The following TNIK variants were observed in gnomAD, a reference collection of about 807,000 sequenced individuals.
TNIK encodes the protein TRAF2 and NCK interacting kinase, also known as TRAF2 and NCK-interacting protein kinase.
Under a neutral mutation model 191.3 loss-of-function variants are expected in TNIK, and 49 were observed. The observed-to-expected ratio is 0.26, with a 90% CI of 0.20 to 0.32. The LOEUF (loss-of-function observed/expected upper bound fraction) is 0.32. Ranked by LOEUF, TNIK falls within the 10% of genes least tolerant of loss-of-function variation. The pLI, the probability that TNIK is intolerant of heterozygous loss-of-function variation, is 1.00. For missense variants in TNIK, 1,155 were observed against 1,702.3 expected, an observed-to-expected ratio of 0.68 and a Z score of 5.66; for synonymous variants, 594 against 600.9, an observed-to-expected ratio of 0.99 and a Z score of 0.17.
chr3:171,272,735 T>C (rs965533209), intron 2 of TNIK, among the ~76,000 whole-genome samples: 2 of 152,232 alleles, frequency 1.3e-5, no homozygotes, highest in African/African-American at 4.8e-5. Context: ...TTATCGTTTT[T>C]CTCATTTCAC....
At chr3:171,368,715 A>G (rs1475704229) in intron 2 of TNIK, among the ~76,000 whole-genome samples, 1 of 152,198 alleles carries the variant, frequency 6.6e-6, no homozygotes. Context: ...AATAAATTTA[A>G]TTAACTGAGA....
At chr3:171,369,449 T>A (rs1716187448) in intron 2 of TNIK, among the ~76,000 whole-genome samples, 171 bp downstream of exon 2, 1 of 152,164 alleles carries the variant, frequency 6.6e-6, no homozygotes, top group Non-Finnish European at 1.5e-5. Flanking sequence ...GAATCCAGTT[T>A]AAGCAACATA....
chr3:171,426,409 G>A (rs1343604714), intron 1 of TNIK, among the ~76,000 whole-genome samples: 1 of 110,896 alleles, frequency 9.0e-6, no homozygotes, highest in African/African-American at 3.5e-5. Flanking sequence ...CTGTTGTGGG[G>A]TGGGGGGAGG....
chr3:171,070,583 G>A (rs1057310099), intron 29 of TNIK, among the ~76,000 whole-genome samples: 1 of 152,112 alleles, frequency 6.6e-6, no homozygotes, highest in Non-Finnish European at 1.5e-5. Context: ...CCTGGTATTC[G>A]GGTGTCAGCT....
intron 21 of TNIK, among the ~76,000 whole-genome samples, chr3:171,104,035 G>T (rs542697830): frequency 5.9e-5 from 9 of 152,062 alleles, no homozygotes; most frequent in African/African-American, 1.9e-4. Flanking sequence ...TTACTAAAAA[G>T]CTCTCTGCCC....
At chr3:171,194,500 G>A (rs1378732920) in intron 5 of TNIK, 25 bp downstream of exon 5, 1 of 1,596,288 alleles carries the variant, frequency 6.3e-7, no homozygotes. Context: ...TTTGGGAGGT[G>A]GGCCAGTCCC....
intron 2 of TNIK, among the ~76,000 whole-genome samples, chr3:171,319,742 T>C (rs909810993): frequency 6.6e-6 from 1 of 152,150 alleles, no homozygotes; most frequent in Non-Finnish European, 1.5e-5. Context: ...GAGACCTTTT[T>C]AAGGTACCAG....
intron 2 of TNIK, among the ~76,000 whole-genome samples, chr3:171,344,401 T>C (rs539461198): frequency 6.6e-6 from 1 of 152,248 alleles, no homozygotes; most frequent in Admixed American, 6.5e-5. Flanking sequence ...TCTGAGGTGA[T>C]AGTAGGGGTG....
intron 28 of TNIK, among the ~76,000 whole-genome samples, chr3:171,078,408 T>A (rs1292268410): frequency 6.6e-6 from 1 of 152,164 alleles, no homozygotes; most frequent in Non-Finnish European, 1.5e-5. Flanking sequence ...ATTACATTTT[T>A]TATTTCTGCC....
intron 2 of TNIK, among the ~76,000 whole-genome samples, chr3:171,233,582 C>T (rs1426502897): frequency 1.3e-5 from 2 of 152,134 alleles, no homozygotes; most frequent in African/African-American, 2.4e-5. Flanking sequence ...AAAGAGCCAC[C>T]TCACCCAAGG....
At chr3:171,298,765 T>G (rs13078928) in intron 2 of TNIK, among the ~76,000 whole-genome samples, 68,784 of 152,092 alleles carry the variant, frequency 0.45, 16,255 homozygotes, top group Non-Finnish European at 0.51. Context: ...CACCAGAAAT[T>G]GGATTATCTG....
chr3:171,085,332 A>G, intron 24 of TNIK, 103 bp from the exon 25 acceptor site: 2 of 1,104,320 alleles, frequency 1.8e-6, no homozygotes, highest in Non-Finnish European at 2.5e-6. Flanking sequence ...AGATTCTTCA[A>G]GGTATTCAGG....
rs1354816887 is a variant in TNIK, at chr3:171,061,441, T to A, written c.*2440A>T. 6.6e-6 allele frequency: 1 copy of A among 152,248 alleles called. No homozygotes were observed. The highest frequency in any genetic ancestry group is 1.5e-5 in the Non-Finnish European group (1 of 68,038). The allele number at this position is 152,248 out of a possible 1,614,324, so 9.4% of individuals were successfully genotyped here. A position where few individuals can be genotyped will look rare whatever the true frequency, so the allele number is the denominator to read the frequency against. On this transcript the variant is annotated 3_prime_UTR_variant, in exon 33 of 33. Coordinates refer to ENST00000436636, the MANE Select transcript of TNIK (RefSeq NM_015028.4). ...AAACAAGACTGCATTAATATTGTTT[T>A]CTTATGATTTGTTTCAATGACTCTA... is the stretch of plus-strand genomic sequence containing the variant.
chr3:171,298,062 G>A (rs943989356), intron 2 of TNIK, among the ~76,000 whole-genome samples: 1 of 152,196 alleles, frequency 6.6e-6, no homozygotes, highest in East Asian at 1.9e-4. Context: ...TGCCTCTGAT[G>A]ATTTAGGATG....
chr3:171,444,970 CT>C (rs1347230680), intron 1 of TNIK, among the ~76,000 whole-genome samples: 1 of 152,090 alleles, frequency 6.6e-6, no homozygotes, highest in Non-Finnish European at 1.5e-5. Context: ...CCACCTTGGC[CT>C]CCCAAAGTGC....
chr3:171,090,512 A>G (rs1470911123), intron 23 of TNIK, among the ~76,000 whole-genome samples: 1 of 148,940 alleles, frequency 6.7e-6, no homozygotes, highest in East Asian at 2.0e-4. Context: ...ATGACAAGCT[A>G]GTGTTCTGGT....
At chr3:171,146,465 G>A (rs918179088) in intron 12 of TNIK, among the ~76,000 whole-genome samples, 1 of 152,084 alleles carries the variant, frequency 6.6e-6, no homozygotes. Context: ...GCAATGCAAC[G>A]TGTCATTGGG....
At chr3:171,445,049 T>G (rs1727313979) in intron 1 of TNIK, among the ~76,000 whole-genome samples, 1 of 151,904 alleles carries the variant, frequency 6.6e-6, no homozygotes, top group African/African-American at 2.4e-5. Flanking sequence ...AGGCCAGTGG[T>G]TCTCAGACTC....
rs770114109 is a variant in TNIK, at chr3:171,093,855, G to T, written c.2705C>A (p.Thr902Asn). The change falls in exon 23 of 33, where the codon ACC becomes AAC. Residue 902 changes from threonine to asparagine, a missense_variant. Thr to Asn is a moderately conservative substitution (Grantham distance 65). This residue lies in a region of TNIK where 735 missense variants were observed against 848.0 expected (regional missense o/e 0.87). Coordinates refer to ENST00000436636, the MANE Select transcript of TNIK (RefSeq NM_015028.4). ...SFSGSISREG[T>N]LMIRETSGEK... ...CCAACTTACCTCTCTAATCATCAAG[G>T]TTCCTTCTCTTGAAATACTGCCGCT... 1.9e-6 allele frequency: 3 copies of T among 1,613,482 alleles called. No individual in the cohort carries two copies. The highest frequency in any genetic ancestry group is 1.3e-5 in the African/African-American group (1 of 74,870).
Sources: allele counts gnomAD v4.1 joint callset (sites outside exome capture counted in the v4.1 genomes callset), GRCh38; gene constraint gnomAD v4.1.1; regional missense constraint gnomAD v4.1.1; transcripts MANE v1.5; gene names NCBI Gene and HGNC (gene_info 2026-07-23, HGNC 2026-07-21).